The following ATP2B4 variants were observed in gnomAD, a reference collection of about 807,000 sequenced individuals.
The protein encoded by ATP2B4 is plasma membrane calcium-transporting ATPase 4.
Under a neutral mutation model 110.3 loss-of-function variants are expected in ATP2B4, and 39 were observed. The ratio of observed to expected loss-of-function variants is 0.35; its 90% CI spans 0.27 to 0.46. The LOEUF is 0.46. Among genes scored for constraint, ATP2B4 ranks in the 20% least tolerant of loss-of-function variants. The pLI is 1.00. For missense variants in ATP2B4, 1,135 were observed against 1,530.9 expected (o/e 0.74, Z 4.32); for synonymous variants, 538 against 571.7 (o/e 0.94, Z 0.84).
At chr1:203,680,596 G>A (rs1480068002) in intron 1 of ATP2B4, among the ~76,000 whole-genome samples, 3 of 122,876 alleles carry the variant, frequency 2.4e-5, no homozygotes, top group Admixed American at 9.9e-5. Context: ...GCGACAGAGT[G>A]AGACTCCGTC....
chr1:203,635,173 C>T (rs1245792511), intron 1 of ATP2B4, among the ~76,000 whole-genome samples: 2 of 152,088 alleles, frequency 1.3e-5, no homozygotes, highest in African/African-American at 4.8e-5. Context: ...GAGGTTTCTC[C>T]ATGTTGGTCA....
At chr1:203,650,475 G>A (rs553844452) in intron 1 of ATP2B4, among the ~76,000 whole-genome samples, 1 of 152,168 alleles carries the variant, frequency 6.6e-6, no homozygotes, top group Non-Finnish European at 1.5e-5. Context: ...AGGTGGAGTC[G>A]GCCCGCCTTA....
rs550594207 is a variant in ATP2B4, at chr1:203,730,242, A to G, written c.3309+2671A>G. Among the ~76,000 whole-genome samples the G allele has an allele frequency of 5.9e-4, 89 of 151,548 alleles. 1 individual carries two copies. The South Asian group carries it at 0.016, about 27-fold the overall frequency. The stretch of plus-strand genomic sequence containing the variant: ...TGAAGAGCTGAATTAAAAAAAAAAA[A>G]AAGAAGAAAAAGAAAAGTGGAAAAG... On this transcript the variant is annotated intron_variant, in intron 20 of 20. Transcript: ENST00000357681.
chr1:203,732,894 C>G (rs577434937), intron 20 of ATP2B4, among the ~76,000 whole-genome samples: 3 of 151,922 alleles, frequency 2.0e-5, no homozygotes, highest in African/African-American at 7.3e-5. Context: ...GGGAAAAGTC[C>G]CTTTACATTT....
Position 203,710,910 on chromosome 1 carries a change from A to G in ATP2B4, c.1833A>G (p.Ala611=). 2 of 1,614,086 alleles carry G rather than the reference A, an allele frequency of 1.2e-6. No homozygotes were observed. The highest frequency in any genetic ancestry group is 2.2e-5 in the East Asian group (1 of 44,874). Residue 611 remains alanine (A), a synonymous_variant, in exon 12 of 21, where the codon GCA becomes GCG. Transcript: ENST00000357681. ...GAATCCTGGACCGGAAAGGGGAAGC[A>G]GTGCCATTCAAGAATAAAGACAGAG... ...CNRILDRKGE[A]VPFKNKDRDD...
chr1:203,692,602 A>C (rs1424830849), intron 2 of ATP2B4, among the ~76,000 whole-genome samples: 1 of 152,226 alleles, frequency 6.6e-6, no homozygotes, highest in Non-Finnish European at 1.5e-5. Flanking sequence ...GTGGGAGAAG[A>C]TTCTGCTGCC....
chr1:203,713,460 T>TTA (rs1241310971), intron 14 of ATP2B4, among the ~76,000 whole-genome samples: 1 of 151,992 alleles, frequency 6.6e-6, no homozygotes, highest in African/African-American at 2.4e-5. Flanking sequence ...TTTTATTTTT[T>TTA]TTATTTTTTG....
chr1:203,630,762 G>T (rs1365414134), intron 1 of ATP2B4, among the ~76,000 whole-genome samples: 2 of 152,182 alleles, frequency 1.3e-5, no homozygotes, highest in African/African-American at 4.8e-5. Flanking sequence ...GTATTTGGTG[G>T]GTAGGGGTGA....
chr1:203,678,841 T>TA (rs1247168143), intron 1 of ATP2B4, among the ~76,000 whole-genome samples: 2 of 152,222 alleles, frequency 1.3e-5, no homozygotes, highest in East Asian at 3.8e-4. Flanking sequence ...ACCACTTTTT[T>TA]ATCTCCCTGT....
chr1:203,686,713 G>C (rs12123809), intron 2 of ATP2B4, among the ~76,000 whole-genome samples: 1 of 16,066 alleles, frequency 6.2e-5, no homozygotes, highest in Non-Finnish European at 1.4e-4. Context: ...TTTTTTTTTA[G>C]AAGGAGTTTT....
rs544583379 is a variant in ATP2B4 at position 203,721,562 on chromosome 1, C to T, written c.2812+152C>T. The T allele has an allele frequency of 1.2e-4, 87 of 721,340 alleles. No individual in the cohort carries two copies. In the African/African-American group the frequency reaches 1.4e-3, roughly 12 times the overall value. The allele number at this position is 721,340 out of a possible 1,614,324, so 44.7% of individuals were successfully genotyped here. ...TGCTCCCGCTACACGGTGCATTATG[C>T]TACTATATGTACTCATACAGTACTC... On this transcript the variant is annotated intron_variant, in intron 17 of 20. Transcript: ENST00000357681.
intron 1 of ATP2B4, among the ~76,000 whole-genome samples, chr1:203,649,873 C>A (rs754674838): frequency 2.0e-5 from 3 of 152,158 alleles, no homozygotes; most frequent in Non-Finnish European, 4.4e-5. Context: ...CACTCGTACC[C>A]GGCCAGGCAT....
At chr1:203,686,177 T>A (rs767873939) in intron 2 of ATP2B4, among the ~76,000 whole-genome samples, 1 of 152,226 alleles carries the variant, frequency 6.6e-6, no homozygotes, top group Non-Finnish European at 1.5e-5. Context: ...GCTGAGGGTC[T>A]GTTCTTAATT....
Position 203,629,882 on chromosome 1 carries a change from G to A in ATP2B4, c.-465+2663G>A, listed in dbSNP as rs933389981. On this transcript the variant is annotated intron_variant, in intron 1 of 20. Coordinates refer to ENST00000357681, the MANE Select transcript of ATP2B4 (RefSeq NM_001684.5). This position sits in a 1 kb window ranked among gnomAD's most constrained non-coding sequence, Gnocchi z 4.6. ...ACGGAGCCTGGGATGTTAGAGCGCT[G>A]GGTCAAGGCATGTTGAGAGAAGCAC... 2.6e-5 allele frequency among the ~76,000 whole-genome samples: 4 copies of A among 152,290 alleles called. No individual in the cohort carries two copies. The highest frequency in any genetic ancestry group is 1.3e-4 in the Admixed American group (2 of 15,292).
intron 20 of ATP2B4, among the ~76,000 whole-genome samples, chr1:203,737,911 A>G (rs1419384807): frequency 6.6e-6 from 1 of 152,176 alleles, no homozygotes; most frequent in Non-Finnish European, 1.5e-5. Flanking sequence ...GACCAACAGT[A>G]TTGATAGTGA....
chr1:203,728,578 C>A (rs995886975), intron 20 of ATP2B4, among the ~76,000 whole-genome samples: 1 of 152,176 alleles, frequency 6.6e-6, no homozygotes. Flanking sequence ...CCCCAGTCGG[C>A]CAGGCATGGT....
chr1:203,702,516 G>A lies in ATP2B4; in HGVS notation c.937+437G>A, dbSNP rs942982035. ...GCTTCCTCATAAGTGTCCTCTTCTG[G>A]TCTGGATCCCTTCTCTGCTGGTCTT... is the stretch of plus-strand genomic sequence containing the variant. On this transcript the variant is annotated intron_variant, in intron 7 of 20. Transcript: ENST00000357681. 1.8e-4 allele frequency among the ~76,000 whole-genome samples: 28 copies of A among 152,248 alleles called. No individual in the cohort carries two copies. In the Middle Eastern group the frequency reaches 0.01, roughly 55 times the overall value.
intron 1 of ATP2B4, among the ~76,000 whole-genome samples, chr1:203,656,491 G>A (rs907925082): frequency 6.6e-6 from 1 of 152,306 alleles, no homozygotes; most frequent in East Asian, 1.9e-4. Flanking sequence ...TTTCACAGGT[G>A]AAAAGATTTC....
At position 203,683,133 on chromosome 1, in the gene ATP2B4, G is replaced by A. The variant is rs1338802087; in HGVS notation, c.-73G>A. Reference sequence around the variant, plus strand: ...AGTAGGAAGAAGTTGAGACAGGGAGGCAGGAGACACTGGTCAGTTGAAGGG... The same window carrying A: ...AGTAGGAAGAAGTTGAGACAGGGAGACAGGAGACACTGGTCAGTTGAAGGG... On this transcript the variant is annotated 5_prime_UTR_variant, in exon 2 of 21. Transcript: ENST00000357681. The A allele has an allele frequency of 5.3e-6, 8 of 1,512,880 alleles. No individual in the cohort carries two copies. Among genetic ancestry groups the A allele is most frequent in the Non-Finnish European group, 7.2e-6 (8 of 1,118,194 alleles). The allele number at this position is 1,512,880 out of a possible 1,614,324, so 93.7% of individuals were successfully genotyped here. A position where few individuals can be genotyped will look rare whatever the true frequency, so the allele number is the denominator to read the frequency against.
Sources: allele counts gnomAD v4.1 joint callset (sites outside exome capture counted in the v4.1 genomes callset), GRCh38; gene constraint gnomAD v4.1.1; non-coding constraint Gnocchi (gnomAD v3.1); transcripts MANE v1.5; gene names NCBI Gene and HGNC (gene_info 2026-07-23, HGNC 2026-07-21).